The following PEX5L variants were observed in gnomAD, a reference collection of about 807,000 sequenced individuals.
The protein encoded by PEX5L is PEX5-related protein.
In PEX5L, 30 loss-of-function variants were observed where a neutral mutation model predicts 84.0. The ratio of observed to expected loss-of-function variants is 0.36; its 90% CI spans 0.27 to 0.48. The LOEUF is 0.48. Among genes scored for constraint, PEX5L ranks in the 20% least tolerant of loss-of-function variants. PEX5L has a pLI of 0.99. For missense variants in PEX5L, 533 were observed against 754.6 expected (o/e 0.71, Z 3.44); for synonymous variants, 270 against 283.1 (o/e 0.95, Z 0.46).
intron 1 of PEX5L, among the ~76,000 whole-genome samples, chr3:180,017,576 C>T (rs915330161): frequency 6.6e-6 from 1 of 151,970 alleles, no homozygotes; most frequent in African/African-American, 2.4e-5. Flanking sequence ...TTCTGTCACT[C>T]ATGTACAACT....
intron 7 of PEX5L, among the ~76,000 whole-genome samples, chr3:179,870,309 C>T (rs966694070): frequency 2.6e-5 from 4 of 152,220 alleles, no homozygotes; most frequent in African/African-American, 9.6e-5. Context: ...AAGACCCCCA[C>T]AGATGAATGG....
At chr3:179,926,507 C>T (rs79512841) in intron 2 of PEX5L, among the ~76,000 whole-genome samples, 3 of 152,210 alleles carry the variant, frequency 2.0e-5, no homozygotes, top group Non-Finnish European at 2.9e-5. Context: ...TCAAGCATCA[C>T]CTCCTCAGAT....
intron 8 of PEX5L, among the ~76,000 whole-genome samples, chr3:179,837,252 T>G (rs1414694219): frequency 6.6e-6 from 1 of 152,188 alleles, no homozygotes; most frequent in Non-Finnish European, 1.5e-5. Context: ...ATTCCTTATA[T>G]GTAGGCCACA....
chr3:179,911,326 G>C (rs1250053989), intron 2 of PEX5L, among the ~76,000 whole-genome samples: 3 of 152,108 alleles, frequency 2.0e-5, no homozygotes, highest in Non-Finnish European at 2.9e-5. Flanking sequence ...GGTTAGGCGG[G>C]GTTTCTGTTG....
intron 7 of PEX5L, among the ~76,000 whole-genome samples, chr3:179,865,637 T>G (rs1339431829): frequency 6.6e-6 from 1 of 152,070 alleles, no homozygotes; most frequent in Non-Finnish European, 1.5e-5. Context: ...ACAAAACAAC[T>G]ACACGTTACA....
At chr3:179,909,803 AG>A (rs1484565857) in intron 2 of PEX5L, among the ~76,000 whole-genome samples, 1 of 152,222 alleles carries the variant, frequency 6.6e-6, no homozygotes, top group Non-Finnish European at 1.5e-5. Context: ...ACATTCACAG[AG>A]GGAAGACCAT....
intron 2 of PEX5L, among the ~76,000 whole-genome samples, chr3:179,958,501 TA>T (rs1192288207): frequency 1.3e-5 from 2 of 152,204 alleles, no homozygotes; most frequent in Non-Finnish European, 2.9e-5. Context: ...GTGTAGCACA[TA>T]CTAAATGCTG....
chr3:179,857,473 G>C (rs76066921), intron 8 of PEX5L, among the ~76,000 whole-genome samples: 3 of 152,186 alleles, frequency 2.0e-5, no homozygotes, highest in African/African-American at 7.2e-5. Flanking sequence ...AATTTGTGAA[G>C]TGTTTTAATA....
intron 2 of PEX5L, among the ~76,000 whole-genome samples, chr3:179,923,232 AGT>A (rs2109449249): frequency 7.0e-6 from 1 of 143,546 alleles, no homozygotes; most frequent in Admixed American, 7.4e-5. Flanking sequence ...CAGAGCTTGC[AGT>A]GAGTCGAGAT....
At chr3:179,979,251 A>G (rs1381155861) in intron 1 of PEX5L, among the ~76,000 whole-genome samples, 1 of 151,306 alleles carries the variant, frequency 6.6e-6, no homozygotes, top group African/African-American at 2.4e-5. Flanking sequence ...TCAAATTTTA[A>G]AAAAAAAACA....
At chr3:179,810,002 CTTTTTTTT>C (rs35662193) in intron 11 of PEX5L, among the ~76,000 whole-genome samples, 2 of 45,262 alleles carry the variant, frequency 4.4e-5, no homozygotes, top group Admixed American at 3.8e-4. Context: ...TTTAATGCTG[CTTTTTTTT>C]TTTTTTTTTT....
chr3:179,889,335 A>C (rs1307951455), intron 3 of PEX5L, among the ~76,000 whole-genome samples: 1 of 152,218 alleles, frequency 6.6e-6, no homozygotes, highest in African/African-American at 2.4e-5. Flanking sequence ...GGAAGCACTT[A>C]GTGGTCTTTT....
intron 8 of PEX5L, among the ~76,000 whole-genome samples, chr3:179,840,537 G>A (rs1736851010): frequency 1.3e-5 from 2 of 152,082 alleles, no homozygotes; most frequent in African/African-American, 2.4e-5. Flanking sequence ...TGTACACTTC[G>A]AGAAGAGACT....
At chr3:179,830,835 GAGAACTGTTTTCCAC>G (rs1732570063) in intron 8 of PEX5L, among the ~76,000 whole-genome samples, 1 of 152,184 alleles carries the variant, frequency 6.6e-6, no homozygotes, top group South Asian at 2.1e-4. Flanking sequence ...CCCACTCTCT[GAGAACTGTTTTCCAC>G]AGATCCTGAC....
intron 1 of PEX5L, among the ~76,000 whole-genome samples, chr3:179,997,876 C>A (rs1788038314): frequency 6.6e-6 from 1 of 152,230 alleles, no homozygotes; most frequent in Non-Finnish European, 1.5e-5. Context: ...GCAAGACAAG[C>A]AATATACCTT....
intron 7 of PEX5L, among the ~76,000 whole-genome samples, chr3:179,867,057 A>G (rs1258813245): frequency 6.6e-6 from 1 of 151,616 alleles, no homozygotes; most frequent in Non-Finnish European, 1.5e-5. Context: ...AAAAAAAAGA[A>G]AAGAAAATAC....
At chr3:179,927,678 AATC>A (rs1771849742) in intron 2 of PEX5L, among the ~76,000 whole-genome samples, 1 of 152,162 alleles carries the variant, frequency 6.6e-6, no homozygotes, top group Non-Finnish European at 1.5e-5. Context: ...TTCTTTATAA[AATC>A]ATCAATCTGC....
intron 2 of PEX5L, among the ~76,000 whole-genome samples, chr3:179,968,011 C>A (rs1266797165): frequency 1.3e-5 from 2 of 152,086 alleles, no homozygotes; most frequent in Non-Finnish European, 2.9e-5. Context: ...TTTGACATTT[C>A]CCAACCTGCT....
At chr3:179,941,817 T>C (rs1026438234) in intron 2 of PEX5L, among the ~76,000 whole-genome samples, 2 of 151,904 alleles carry the variant, frequency 1.3e-5, no homozygotes, top group Admixed American at 1.3e-4. Flanking sequence ...GGTCAGGAGT[T>C]CGAGACCAGC....
Sources: gnomAD v4.1 joint callset for allele counts (sites outside exome capture counted in the v4.1 genomes callset) on GRCh38, gnomAD v4.1.1 for gene constraint, MANE v1.5 for transcripts, NCBI Gene and HGNC (gene_info 2026-07-23, HGNC 2026-07-21) for gene names.